The following ARHGAP28 variants were observed in gnomAD, a reference collection of about 807,000 sequenced individuals.
ARHGAP28 encodes rho GTPase-activating protein 28.
In ARHGAP28, 56 loss-of-function variants were observed where a neutral mutation model predicts 90.7. The ratio of observed to expected loss-of-function variants is 0.62; its 90% CI spans 0.50 to 0.77. The LOEUF is 0.77. Among genes scored for constraint, ARHGAP28 ranks in the 30% least tolerant of loss-of-function variants. The pLI, the probability that ARHGAP28 is intolerant of heterozygous loss-of-function variation, is 0.00. For missense variants in ARHGAP28, 869 were observed against 900.9 expected (o/e 0.96, Z 0.45); for synonymous variants, 308 against 323.3 (o/e 0.95, Z 0.51).
Position 6,828,158 on chromosome 18 carries a change from G to A in ARHGAP28, c.325+3194G>A, listed in dbSNP as rs370773219. Among the ~76,000 whole-genome samples the A allele has an allele frequency of 1.8e-4, 28 of 152,272 alleles. No individual in the cohort carries two copies. In the East Asian group the frequency reaches 3.7e-3, roughly 20 times the overall value. On this transcript the variant is annotated intron_variant, in intron 2 of 17. Transcript: ENST00000383472. ...GCGGTTAGGAGCTGGAGACCAGCCC[G>A]GCCAACACAGTGAAACCCCGTCTCC... is the stretch of plus-strand genomic sequence containing the variant.
At chr18:6,902,114 G>T (rs1167239159) in intron 16 of ARHGAP28, among the ~76,000 whole-genome samples, 1 of 152,042 alleles carries the variant, frequency 6.6e-6, no homozygotes, top group African/African-American at 2.4e-5. Flanking sequence ...CTTCAGGGTG[G>T]GCATGAATTT....
At chr18:6,767,501 T>G (rs935810933) in intron 1 of ARHGAP28, among the ~76,000 whole-genome samples, 4 of 152,174 alleles carry the variant, frequency 2.6e-5, no homozygotes, top group Non-Finnish European at 5.9e-5. Flanking sequence ...TTTTTTCTAG[T>G]GCAGATTAGC....
intron 4 of ARHGAP28, among the ~76,000 whole-genome samples, chr18:6,856,445 G>A (rs551613666): frequency 3.9e-5 from 6 of 152,214 alleles, no homozygotes; most frequent in East Asian, 1.9e-4. Context: ...TTAAATTGAA[G>A]TATAACTTAC....
chr18:6,841,502 A>G (rs904415044), intron 3 of ARHGAP28, among the ~76,000 whole-genome samples: 1 of 151,552 alleles, frequency 6.6e-6, no homozygotes, highest in Non-Finnish European at 1.5e-5. Context: ...TGTATAAAAT[A>G]CTTATAAAGA....
intron 1 of ARHGAP28, among the ~76,000 whole-genome samples, chr18:6,759,294 T>C (rs1246298174): frequency 1.2e-5 from 1 of 86,344 alleles, no homozygotes; most frequent in South Asian, 3.4e-4. Flanking sequence ...TAAAGTGTAA[T>C]CAAAAGGCAA....
At chr18:6,808,681 T>C (rs891040277) in intron 1 of ARHGAP28, among the ~76,000 whole-genome samples, 2 of 152,220 alleles carry the variant, frequency 1.3e-5, no homozygotes, top group Non-Finnish European at 2.9e-5. Context: ...GTATATCTTG[T>C]GTATTTGACC....
At chr18:6,885,397 G>T (rs1752037366) in intron 11 of ARHGAP28, among the ~76,000 whole-genome samples, 1 of 152,130 alleles carries the variant, frequency 6.6e-6, no homozygotes, top group South Asian at 2.1e-4. Flanking sequence ...TGTTTAAGCT[G>T]TCCCTCTCAA....
At chr18:6,837,517 G>T in intron 3 of ARHGAP28, 103 bp downstream of exon 3, 1 of 863,846 alleles carries the variant, frequency 1.2e-6, no homozygotes, top group East Asian at 2.6e-5. Flanking sequence ...CTGCTTGGGT[G>T]GTTCCATTCT....
At chr18:6,903,082 G>T (rs766719775) in intron 16 of ARHGAP28, among the ~76,000 whole-genome samples, 1 of 152,122 alleles carries the variant, frequency 6.6e-6, no homozygotes, top group Admixed American at 6.5e-5. Flanking sequence ...ACTATGTGAC[G>T]CCACTTAAGT....
chr18:6,789,656 C>G (rs2056391714), intron 1 of ARHGAP28: 1 of 152,134 alleles, frequency 6.6e-6, no homozygotes, highest in Non-Finnish European at 1.5e-5. Context: ...TCGTTTTTCC[C>G]TGAATGTTTT....
At chr18:6,841,208 C>CTCTCTCTCTCTCCTCTCCTCT in intron 3 of ARHGAP28, among the ~76,000 whole-genome samples, 1 of 43,136 alleles carries the variant, frequency 2.3e-5, no homozygotes, top group Non-Finnish European at 4.5e-5. Context: ...TCTCTCCTCT[C>CTCTCTCTCTCTCCTCTCCTCT]CTCTCTCTCT....
chr18:6,740,106 G>C (rs2143170297), intron 1 of ARHGAP28, among the ~76,000 whole-genome samples: 1 of 152,200 alleles, frequency 6.6e-6, no homozygotes, highest in African/African-American at 2.4e-5. Context: ...TACCTGCCTT[G>C]GCCTCCCAAA....
At chr18:6,870,511 T>A (rs1459758226) in intron 6 of ARHGAP28, 79 bp from the exon 7 acceptor site, 1 of 1,400,806 alleles carries the variant, frequency 7.1e-7, no homozygotes. Flanking sequence ...TGTAAATATT[T>A]TGAATTTGTT....
chr18:6,869,790 A>T (rs2057068907), intron 6 of ARHGAP28, among the ~76,000 whole-genome samples: 1 of 152,184 alleles, frequency 6.6e-6, no homozygotes, highest in African/African-American at 2.4e-5. Context: ...TCTTTTTATA[A>T]TAAAATAATT....
chr18:6,776,029 G>A (rs1306524158), intron 1 of ARHGAP28, among the ~76,000 whole-genome samples: 1 of 152,142 alleles, frequency 6.6e-6, no homozygotes, highest in African/African-American at 2.4e-5. Flanking sequence ...GCCTACCCAA[G>A]CAAGTAGGAA....
At position 6,890,458 on chromosome 18, in the gene ARHGAP28, G is replaced by C; in HGVS notation, c.1763G>C (p.Arg588Thr). 1 of 1,613,248 alleles carries C rather than the reference G, an allele frequency of 6.2e-7. No homozygotes were observed. The highest frequency in any genetic ancestry group is 8.5e-7 in the Non-Finnish European group (1 of 1,179,600). Reference protein sequence around the residue: ...KVPSFLITQVRRMNEATMLLK... With the variant: ...KVPSFLITQVTRMNEATMLLK... ...CCATCTTTCTTAATCACTCAAGTAA[G>C]AAGAATGAATGAAGCCACGATGCTA... The change falls in exon 14 of 18, where the codon AGA (arginine) becomes ACA (threonine). Residue 588 changes from arginine to threonine, a missense_variant. Physicochemically the swap from Arg to Thr is moderately conservative, Grantham distance 71 (BLOSUM62 -1). Transcript: ENST00000383472.
chr18:6,797,295 TTC>T (rs1211901152), intron 1 of ARHGAP28, among the ~76,000 whole-genome samples: 2 of 152,208 alleles, frequency 1.3e-5, no homozygotes, highest in African/African-American at 2.4e-5. Context: ...TTGGAGTATT[TTC>T]TCTGTCACTT....
At chr18:6,740,762 A>T (rs929940823) in intron 1 of ARHGAP28, among the ~76,000 whole-genome samples, 1 of 152,214 alleles carries the variant, frequency 6.6e-6, no homozygotes, top group African/African-American at 2.4e-5. Context: ...ACAAAGTTTC[A>T]TGAAGACCAG....
chr18:6,867,369 T>C (rs1325218000), intron 5 of ARHGAP28, among the ~76,000 whole-genome samples: 1 of 152,188 alleles, frequency 6.6e-6, no homozygotes, highest in Admixed American at 6.5e-5. Context: ...TAAAAGATTC[T>C]TGATGGAGTA....
Sources: gnomAD v4.1 joint callset for allele counts (sites outside exome capture counted in the v4.1 genomes callset) on GRCh38, gnomAD v4.1.1 for gene constraint, MANE v1.5 for transcripts, NCBI Gene and HGNC (gene_info 2026-07-23, HGNC 2026-07-21) for gene names.